The following CSF2RA variants were observed in gnomAD, a reference collection of about 807,000 sequenced individuals.
CSF2RA encodes colony stimulating factor 2 receptor subunit alpha.
In CSF2RA, 42 loss-of-function variants were observed where a neutral mutation model predicts 51.6. The ratio of observed to expected loss-of-function variants is 0.81; its 90% CI spans 0.64 to 1.05. The LOEUF (loss-of-function observed/expected upper bound fraction) is 1.05. Ranked by LOEUF, CSF2RA falls within the 50% of genes least tolerant of loss-of-function variation. The probability of loss-of-function intolerance (pLI) is 0.00; values close to 1 mark genes in which losing one functional copy is unlikely to be tolerated. For synonymous variants in CSF2RA, 222 were observed against 193.0 expected (o/e 1.15, Z -1.24); for missense variants, 530 against 501.1 (o/e 1.06, Z -0.55).
intron 1 of CSF2RA, among the ~76,000 whole-genome samples, chrX:1,269,320 C>T (rs2088022341): frequency 1.3e-5 from 2 of 152,014 alleles, no homozygotes; most frequent in Non-Finnish European, 2.9e-5. Flanking sequence ...ATCCGGAAGC[C>T]GTTTCGAGAG....
intron 4 of CSF2RA, among the ~76,000 whole-genome samples, chrX:1,286,381 C>G (rs1295635167): frequency 6.6e-6 from 1 of 152,044 alleles, no homozygotes; most frequent in African/African-American, 2.4e-5. Context: ...CCAGGCTGAC[C>G]AACATGGTGA....
chrX:1,282,550 C>T (rs1467988886), intron 2 of CSF2RA, 128 bp from the exon 3 acceptor site: 1 of 770,312 alleles, frequency 1.3e-6, no homozygotes, highest in East Asian at 2.4e-5. Context: ...CATGACCCCT[C>T]ATTTGACCAG....
At chrX:1,316,059 A>AGATAGATAG in the CSF2RA span, among the ~76,000 whole-genome samples, 1 of 149,036 alleles carries the variant, frequency 6.7e-6, no homozygotes, top group Non-Finnish European at 1.5e-5. Flanking sequence ...TAGATAGATC[A>AGATAGATAG]ATAGATAGAT....
chrX:1,317,274 A>G, the CSF2RA span, among the ~76,000 whole-genome samples: 1 of 24,310 alleles, frequency 4.1e-5, no homozygotes, highest in African/African-American at 2.0e-4. Context: ...TTTTTGAGAC[A>G]GAGTCTTGTT....
At chrX:1,314,396 CACTGCACCTGCCTAACCGT>C (rs1453875759), downstream of CSF2RA, among the ~76,000 whole-genome samples, 59 of 148,502 alleles carry the variant, frequency 4.0e-4, no homozygotes, top group Middle Eastern at 3.4e-3. Context: ...TGCCCAACCA[CACTGCACCTGCCTAACCGT>C]ACTGCACCTG....
At chrX:1,280,471 CAAAAA>C (rs750353851) in intron 2 of CSF2RA, among the ~76,000 whole-genome samples, 1 of 129,430 alleles carries the variant, frequency 7.7e-6, no homozygotes. Context: ...AACTCCGTCT[CAAAAA>C]AAAAAAAAAA....
At chrX:1,311,934 C>G (rs1380707058), downstream of CSF2RA, among the ~76,000 whole-genome samples, 4 of 152,078 alleles carry the variant, frequency 2.6e-5, no homozygotes, top group Admixed American at 2.0e-4. Context: ...TGTGACTCTC[C>G]TGCCTCCCTC....
At chrX:1,302,410 G>C (rs2083082788) in intron 10 of CSF2RA, among the ~76,000 whole-genome samples, 1 of 152,152 alleles carries the variant, frequency 6.6e-6, no homozygotes, top group Non-Finnish European at 1.5e-5. Context: ...CTACCTCCCA[G>C]ATCACACAGA....
downstream of CSF2RA, among the ~76,000 whole-genome samples, chrX:1,314,318 C>G (rs1233025706): frequency 7.3e-5 from 10 of 136,338 alleles, no homozygotes; most frequent in African/African-American, 2.1e-4. Context: ...CCTGCCCAAC[C>G]ACACTGCACC....
At chrX:1,291,585 G>T (rs1217419030) in intron 7 of CSF2RA, among the ~76,000 whole-genome samples, 1 of 151,978 alleles carries the variant, frequency 6.6e-6, no homozygotes, top group Non-Finnish European at 1.5e-5. Context: ...CATCCCGTTG[G>T]ACGTTCCCAG....
intron 1 of CSF2RA, among the ~76,000 whole-genome samples, 172 bp downstream of exon 1, chrX:1,269,051 C>A (rs1243635393): frequency 6.6e-6 from 1 of 151,940 alleles, no homozygotes; most frequent in Admixed American, 6.6e-5. Flanking sequence ...AGCCAAGGAA[C>A]CTTGCATATG....
chrX:1,305,538 G>A lies in CSF2RA; in HGVS notation c.1125+11G>A, dbSNP rs2083471181. On this transcript the variant is annotated intron_variant, in intron 12 of 12. Transcript: ENST00000381529. ...GAGGTGGAAGACGAGGTAGGCAGGGGTGGGCGGAGCAGTGACCTGGGATGG... is the reference window on the plus strand; with the variant it reads ...GAGGTGGAAGACGAGGTAGGCAGGGATGGGCGGAGCAGTGACCTGGGATGG... The A allele has an allele frequency of 6.2e-7, 1 of 1,613,966 alleles. No individual in the cohort carries two copies. The highest frequency in any genetic ancestry group is 1.7e-5 in the Admixed American group (1 of 60,006).
intron 10 of CSF2RA, 110 bp from the exon 11 acceptor site, chrX:1,303,813 G>C: frequency 1.0e-6 from 1 of 981,906 alleles, no homozygotes. Context: ...CCAGTTCTCA[G>C]CTTGACTGTT....
intron 9 of CSF2RA, chrX:1,300,196 G>C: frequency 3.3e-6 from 1 of 304,910 alleles, no homozygotes; most frequent in Non-Finnish European, 6.1e-6. Context: ...TGCAGCCTGG[G>C]TGACAGAGGG....
At chrX:1,315,286 T>C (rs1603440860), downstream of CSF2RA, among the ~76,000 whole-genome samples, 1 of 152,158 alleles carries the variant, frequency 6.6e-6, no homozygotes, top group African/African-American at 2.4e-5. Flanking sequence ...AGATGATTGA[T>C]AGATGACAGA....
At chrX:1,309,006 T>A (rs1255555946) in intron 12 of CSF2RA, among the ~76,000 whole-genome samples, 1 of 151,932 alleles carries the variant, frequency 6.6e-6, no homozygotes, top group Admixed American at 6.6e-5. Context: ...GGCGAGTGGA[T>A]CACCTCGAGG....
At chrX:1,289,230 T>A (rs1455656533) in intron 6 of CSF2RA, 1 of 354,240 alleles carries the variant, frequency 2.8e-6, no homozygotes, top group Admixed American at 4.3e-5. Context: ...AGGGTTCAAG[T>A]GATTCTCCTG....
chrX:1,299,536 G>A (rs1179502226), intron 9 of CSF2RA, among the ~76,000 whole-genome samples: 2 of 152,214 alleles, frequency 1.3e-5, no homozygotes, highest in Middle Eastern at 3.4e-3. Flanking sequence ...TCCTGCCTCA[G>A]CCTCCCTACA....
chrX:1,309,688 AC>A lies in CSF2RA; in HGVS notation c.*211del. 1 of 1,119,092 alleles carries A rather than the reference AC, an allele frequency of 8.9e-7. No individual in the cohort carries two copies. The highest frequency in any genetic ancestry group is 1.4e-6 in the Non-Finnish European group (1 of 733,522). 69.3% of individuals were successfully genotyped at this position (1,119,092 alleles called of 1,614,324 possible). On this transcript the variant is annotated 3_prime_UTR_variant, in exon 13 of 13. Transcript: ENST00000381529. Reference sequence around the variant, plus strand: ...GATCACCTGAGGTCAGGAGTTCAAGACCAGCCTGCCCAACATGGTGAAACCC... The same window carrying A: ...GATCACCTGAGGTCAGGAGTTCAAGACAGCCTGCCCAACATGGTGAAACCC...
Sources: gnomAD v4.1 joint callset for allele counts (sites outside exome capture counted in the v4.1 genomes callset) on GRCh38, gnomAD v4.1.1 for gene constraint, MANE v1.5 for transcripts, NCBI Gene and HGNC (gene_info 2026-07-23, HGNC 2026-07-21) for gene names.